Variants in SGCE observed in about 807,000 individuals in gnomAD.
The protein encoded by SGCE is epsilon-sarcoglycan.
A neutral mutation model predicts 57.8 loss-of-function variants in SGCE; 26 were observed. That is an observed-to-expected ratio of 0.45 (90% CI 0.33 to 0.62). The LOEUF is 0.62. SGCE is among the 20% of genes least tolerant of loss of function. The probability of loss-of-function intolerance (pLI) is 0.02; values close to 1 mark genes in which losing one functional copy is unlikely to be tolerated. For synonymous variants in SGCE, 183 were observed against 189.5 expected (o/e 0.97, Z 0.28); for missense variants, 468 against 548.6 (o/e 0.85, Z 1.47).
At chr7:94,598,007 T>TA (rs750493304) in intron 9 of SGCE, 897 of 153,652 alleles carry the variant, frequency 5.8e-3, no homozygotes, top group South Asian at 0.015. Flanking sequence ...AACTCCATCT[T>TA]AAAAAAAAAA....
chr7:94,588,258 T>C (rs1797179125), intron 10 of SGCE: 2 of 1,041,318 alleles, frequency 1.9e-6, no homozygotes, highest in Non-Finnish European at 2.3e-6. Context: ...AGGCCAGCCA[T>C]TTCTCATTTA....
intron 3 of SGCE, chr7:94,625,646 T>C (rs929562348): frequency 6.6e-6 from 1 of 152,180 alleles, no homozygotes; most frequent in Admixed American, 6.6e-5. Context: ...GGCAAACTAT[T>C]ACAGGTGGTC....
At chr7:94,631,567 G>A (rs924748626) in intron 1 of SGCE, among the ~76,000 whole-genome samples, 9 of 151,950 alleles carry the variant, frequency 5.9e-5, no homozygotes, top group Admixed American at 6.6e-5. Context: ...TACTACAGTA[G>A]TAGGATTCTG....
rs549869689 is a variant in SGCE at position 94,646,040 on chromosome 7, G to A, written c.109+9950C>T. On this transcript the variant is annotated intron_variant, in intron 1 of 10. Transcript: ENST00000648936. ...ACTGTAGAGGCTACTCAGAAGAGGCGACAGCCATACCAAACTCCACTACAC... is the reference window on the plus strand; with the variant it reads ...ACTGTAGAGGCTACTCAGAAGAGGCAACAGCCATACCAAACTCCACTACAC... Among the ~76,000 whole-genome samples, 7 of 152,196 alleles carry A rather than the reference G, an allele frequency of 4.6e-5. No homozygotes were observed. The South Asian group carries it at 6.2e-4, about 14-fold the overall frequency.
At position 94,603,422 on chromosome 7, in the gene SGCE, C is replaced by T. The variant is rs757206832; in HGVS notation, c.693G>A (p.Pro231=). ...GVYVMVGADV[P]FSSCLREVEN... ...CAACTTCTCGTAAACAAGAAGAAAACGGGACATCTGCACCAACCATGACAT... is the reference window on the plus strand; with the variant it reads ...CAACTTCTCGTAAACAAGAAGAAAATGGGACATCTGCACCAACCATGACAT... The change falls in exon 6 of 11, where the codon CCG becomes CCA. Residue 231 remains proline, a synonymous_variant. Transcript: ENST00000648936. 14 of 1,613,054 alleles carry T rather than the reference C, an allele frequency of 8.7e-6. No individual in the cohort carries two copies. Among genetic ancestry groups the T allele is most frequent in the Middle Eastern group, 1.6e-4 (1 of 6,072 alleles).
At chr7:94,623,874 T>C (rs142398094) in intron 3 of SGCE, 205 of 356,484 alleles carry the variant, frequency 5.8e-4, no homozygotes, top group African/African-American at 3.9e-3. Flanking sequence ...AAAAATGTCA[T>C]AAATAACCCT....
intron 5 of SGCE, 76 bp downstream of exon 5, chr7:94,618,682 C>A: frequency 8.1e-7 from 1 of 1,227,090 alleles, no homozygotes; most frequent in Non-Finnish European, 1.2e-6. Flanking sequence ...AGGCCATCTT[C>A]CATCTATAAT....
chr7:94,647,186 G>A (rs1467808037), intron 1 of SGCE, among the ~76,000 whole-genome samples: 1 of 151,954 alleles, frequency 6.6e-6, no homozygotes, highest in Non-Finnish European at 1.5e-5. Flanking sequence ...GTCCAAACTA[G>A]GACCCATACT....
At chr7:94,608,065 CG>C (rs1177065455) in intron 5 of SGCE, among the ~76,000 whole-genome samples, 6 of 152,118 alleles carry the variant, frequency 3.9e-5, no homozygotes, top group African/African-American at 1.4e-4. Context: ...AAACAGAGGC[CG>C]GGTGTGATGG....
At chr7:94,623,825 T>TC in intron 3 of SGCE, 1 of 365,734 alleles carries the variant, frequency 2.7e-6, no homozygotes. Context: ...ATCTTTGTGT[T>TC]TTTTTGCATT....
chr7:94,635,315 T>C (rs1805445325), intron 1 of SGCE, among the ~76,000 whole-genome samples: 1 of 152,158 alleles, frequency 6.6e-6, no homozygotes, highest in East Asian at 1.9e-4. Flanking sequence ...AAAAAATGTT[T>C]TGGATAAGAA....
rs184744350 is a variant in SGCE, at chr7:94,632,255, C to T, written c.110-2414G>A. Among the ~76,000 whole-genome samples, 10 of 152,068 alleles carry T rather than the reference C, an allele frequency of 6.6e-5. No individual in the cohort carries two copies. The East Asian group carries it at 1.9e-3, about 29-fold the overall frequency. On this transcript the variant is annotated intron_variant, in intron 1 of 10. Coordinates refer to ENST00000648936, the MANE Select transcript of SGCE (RefSeq NM_003919.3). Reference sequence around the variant, plus strand: ...AAATGATTCCATTTTCTACATTGCCCTCCACAGGTCCTGAAGTGGAACCAT... The same window carrying T: ...AAATGATTCCATTTTCTACATTGCCTTCCACAGGTCCTGAAGTGGAACCAT...
chr7:94,654,043 A>C (rs1808250789), intron 1 of SGCE, among the ~76,000 whole-genome samples: 1 of 152,080 alleles, frequency 6.6e-6, no homozygotes, highest in African/African-American at 2.4e-5. Context: ...ATAGCTACCT[A>C]TATATGCATA....
At chr7:94,645,045 A>C (rs1806871911) in intron 1 of SGCE, among the ~76,000 whole-genome samples, 1 of 152,208 alleles carries the variant, frequency 6.6e-6, no homozygotes, top group Non-Finnish European at 1.5e-5. Context: ...CAAGTTTAAG[A>C]AAATTATGTT....
At position 94,656,094 on chromosome 7, in the gene SGCE, T is replaced by G. The variant is rs755191122; in HGVS notation, c.5A>C (p.Gln2Pro). ...TCCCAGCTCCCACCACCGGGGCAAT[T>G]GCATTCTTGGCCTGGCTAGGCCGTC... M[Q>P]LPRWWELGDP... The change falls in exon 1 of 11, where the codon CAA becomes CCA. Residue 2 changes from glutamine to proline, a missense_variant. Gln to Pro is a moderately conservative substitution (Grantham distance 76). Coordinates refer to ENST00000648936, the MANE Select transcript of SGCE (RefSeq NM_003919.3). 9.4e-6 allele frequency: 15 copies of G among 1,600,992 alleles called. No individual in the cohort carries two copies. Among genetic ancestry groups the G allele is most frequent in the Non-Finnish European group, 1.3e-5 (15 of 1,168,302 alleles).
intron 5 of SGCE, 121 bp downstream of exon 5, chr7:94,618,637 C>T (rs1487571074): frequency 2.6e-6 from 2 of 778,838 alleles, no homozygotes; most frequent in African/African-American, 1.8e-5. Context: ...CATATCTTTA[C>T]AATATCTATT....
At chr7:94,645,027 G>A (rs548834351) in intron 1 of SGCE, among the ~76,000 whole-genome samples, 2 of 152,266 alleles carry the variant, frequency 1.3e-5, no homozygotes, top group South Asian at 2.1e-4. Flanking sequence ...ATTTTACAAT[G>A]AGACTACCAA....
At chr7:94,587,153 T>C in intron 10 of SGCE, 1 of 984,520 alleles carries the variant, frequency 1.0e-6, no homozygotes, top group Non-Finnish European at 1.2e-6. Context: ...GAAAACTCTT[T>C]GGCTCTTATA....
chr7:94,610,850 C>T (rs927769312), intron 5 of SGCE, among the ~76,000 whole-genome samples: 14 of 152,034 alleles, frequency 9.2e-5, no homozygotes, highest in Non-Finnish European at 1.6e-4. Context: ...TATGAATAGA[C>T]CTATTTCCAA....
Sources: gnomAD v4.1 joint callset for allele counts (sites outside exome capture counted in the v4.1 genomes callset) on GRCh38, gnomAD v4.1.1 for gene constraint, MANE v1.5 for transcripts, NCBI Gene and HGNC (gene_info 2026-07-23, HGNC 2026-07-21) for gene names.